The following SPOCK1 variants were observed in gnomAD, a reference collection of about 807,000 sequenced individuals.
SPOCK1 encodes testican-1.
Under a neutral mutation model 55.3 loss-of-function variants are expected in SPOCK1, and 23 were observed. The observed-to-expected ratio is 0.42, with a 90% CI of 0.30 to 0.59. The LOEUF (loss-of-function observed/expected upper bound fraction) is 0.59, where lower values mean the gene tolerates loss of function less well. Among genes scored for constraint, SPOCK1 ranks in the 20% least tolerant of loss-of-function variants. The pLI is 0.22. For synonymous variants in SPOCK1, 226 were observed against 221.0 expected, an observed-to-expected ratio of 1.02 and a Z score of -0.20; for missense variants, 499 against 552.5, an observed-to-expected ratio of 0.90 and a Z score of 0.97.
intron 5 of SPOCK1, among the ~76,000 whole-genome samples, chr5:137,111,917 C>G (rs905504905): frequency 7.9e-5 from 12 of 152,168 alleles, no homozygotes; most frequent in Non-Finnish European, 1.5e-5. Context: ...TCCCTACCCC[C>G]ATTCATCTGT....
At chr5:137,060,074 T>C (rs1752368283) in intron 6 of SPOCK1, among the ~76,000 whole-genome samples, 1 of 152,172 alleles carries the variant, frequency 6.6e-6, no homozygotes, top group Non-Finnish European at 1.5e-5. Flanking sequence ...GAACTACCAT[T>C]TGACCCAACA....
chr5:137,243,811 T>C (rs17171153), intron 3 of SPOCK1, among the ~76,000 whole-genome samples: 5,243 of 152,190 alleles, frequency 0.034, 333 homozygotes, highest in African/African-American at 0.12. Context: ...AACTAATGAT[T>C]CCATAACGAC....
chr5:137,045,110 G>A (rs1311490957), intron 6 of SPOCK1, among the ~76,000 whole-genome samples: 1 of 150,824 alleles, frequency 6.6e-6, no homozygotes, highest in African/African-American at 2.5e-5. Context: ...ACATACGTGT[G>A]CATGTGTCTT....
chr5:137,387,923 C>G (rs923424085), intron 2 of SPOCK1, among the ~76,000 whole-genome samples: 5 of 151,892 alleles, frequency 3.3e-5, no homozygotes, highest in Non-Finnish European at 7.4e-5. Context: ...AGTTTGTAAC[C>G]CCTGCTTTTG....
intron 4 of SPOCK1, among the ~76,000 whole-genome samples, chr5:137,120,020 G>A (rs1002984131): frequency 6.6e-6 from 1 of 152,282 alleles, no homozygotes; most frequent in African/African-American, 2.4e-5. Flanking sequence ...GAAAGCAGAC[G>A]TGGGGCAATG....
In SPOCK1 at chr5:137,162,295, G is replaced by A. The variant is rs562844713; in HGVS notation, c.233-21601C>T. On this transcript the variant is annotated intron_variant, in intron 3 of 10. Coordinates refer to ENST00000394945, the MANE Select transcript of SPOCK1 (RefSeq NM_004598.4). ...TGGGGCTACAGGCATGCACCACCAC[G>A]CCGGGCTAATTTTTTGTATTTTTAG... Among the ~76,000 whole-genome samples the A allele has an allele frequency of 5.3e-3, 809 of 151,876 alleles. 8 individuals are homozygous for A. Among genetic ancestry groups the A allele is most frequent in the African/African-American group, 0.019 (782 of 41,420 alleles).
At chr5:137,038,127 C>T (rs1273907878) in intron 6 of SPOCK1, among the ~76,000 whole-genome samples, 1 of 152,202 alleles carries the variant, frequency 6.6e-6, no homozygotes, top group Non-Finnish European at 1.5e-5. Flanking sequence ...AGAAATGCCA[C>T]TGAATGATTC....
At chr5:137,313,911 C>G (rs143255446) in intron 2 of SPOCK1, among the ~76,000 whole-genome samples, 2 of 149,070 alleles carry the variant, frequency 1.3e-5, no homozygotes, top group African/African-American at 2.5e-5. Context: ...AACTGACATA[C>G]GCTCACAACA....
At chr5:137,457,391 T>TG (rs1753387414) in intron 2 of SPOCK1, among the ~76,000 whole-genome samples, 1 of 152,178 alleles carries the variant, frequency 6.6e-6, no homozygotes, top group Non-Finnish European at 1.5e-5. Flanking sequence ...AATATCAGTG[T>TG]GGGGCAGTGG....
intron 2 of SPOCK1, among the ~76,000 whole-genome samples, chr5:137,342,584 C>T (rs1419104076): frequency 4.6e-5 from 7 of 152,052 alleles, no homozygotes; most frequent in Non-Finnish European, 8.8e-5. Flanking sequence ...GAAGTGTGAA[C>T]AATAGTGGTG....
chr5:137,155,764 C>T (rs1310704368), intron 3 of SPOCK1, among the ~76,000 whole-genome samples: 1 of 152,218 alleles, frequency 6.6e-6, no homozygotes, highest in East Asian at 1.9e-4. Context: ...ATCTCCCTGG[C>T]ATGTTCCTTT....
At chr5:137,312,668 C>A (rs148077538) in intron 2 of SPOCK1, among the ~76,000 whole-genome samples, 7 of 152,152 alleles carry the variant, frequency 4.6e-5, no homozygotes, top group Non-Finnish European at 1.0e-4. Context: ...TCAGGAGCAG[C>A]AGGCCCATCC....
At chr5:137,488,021 G>A (rs373380086) in intron 2 of SPOCK1, among the ~76,000 whole-genome samples, 3 of 152,164 alleles carry the variant, frequency 2.0e-5, no homozygotes, top group African/African-American at 7.2e-5. Context: ...GGCTATTTGG[G>A]ATGGATAACA....
intron 6 of SPOCK1, among the ~76,000 whole-genome samples, chr5:137,064,333 G>A (rs973265352): frequency 1.1e-4 from 16 of 152,264 alleles, no homozygotes; most frequent in African/African-American, 3.9e-4. Context: ...TAGAGGTAAG[G>A]TTGAAAATAA....
At chr5:137,261,142 C>G (rs1220146763) in intron 3 of SPOCK1, among the ~76,000 whole-genome samples, 3 of 152,142 alleles carry the variant, frequency 2.0e-5, no homozygotes, top group Admixed American at 6.5e-5. Flanking sequence ...TTTCAAGGCC[C>G]TATAAATGCT....
intron 5 of SPOCK1, among the ~76,000 whole-genome samples, chr5:137,104,719 G>A (rs1753332816): frequency 6.6e-6 from 1 of 152,148 alleles, no homozygotes; most frequent in South Asian, 2.1e-4. Context: ...AGAATCTAAT[G>A]CCTGATGATC....
chr5:137,498,304 CA>C, intron 2 of SPOCK1, 68 bp downstream of exon 2: 3 of 1,378,854 alleles, frequency 2.2e-6, no homozygotes, highest in East Asian at 2.8e-5. Flanking sequence ...ACACACACCC[CA>C]ACCCCGCTTC....
chr5:137,152,804 C>A (rs909091794), intron 3 of SPOCK1, among the ~76,000 whole-genome samples: 2 of 152,144 alleles, frequency 1.3e-5, no homozygotes, highest in Admixed American at 6.5e-5. Flanking sequence ...TTTATACGGA[C>A]AACCCACAAA....
At chr5:137,001,645 T>C (rs1751150492) in intron 6 of SPOCK1, among the ~76,000 whole-genome samples, 2 of 152,216 alleles carry the variant, frequency 1.3e-5, no homozygotes, top group African/African-American at 4.8e-5. Context: ...TTGTTGCTCT[T>C]CACGCAAGCC....
Sources: allele counts gnomAD v4.1 joint callset (sites outside exome capture counted in the v4.1 genomes callset), GRCh38; gene constraint gnomAD v4.1.1; transcripts MANE v1.5; gene names NCBI Gene and HGNC (gene_info 2026-07-23, HGNC 2026-07-21).